The following MBNL1 variants were observed in gnomAD, a reference collection of about 807,000 sequenced individuals.
MBNL1 encodes the protein muscleblind like splicing regulator 1, also known as muscleblind-like protein 1.
MBNL1 carries 8 observed loss-of-function variants against 42.2 expected under a neutral mutation model. That is an observed-to-expected ratio of 0.19 (90% confidence interval 0.11 to 0.34). The LOEUF is 0.34. MBNL1 is among the 10% of genes least tolerant of loss of function. MBNL1 has a pLI of 1.00. For synonymous variants in MBNL1, 169 were observed against 173.9 expected (o/e 0.97, Z 0.22); for missense variants, 309 against 495.3 (o/e 0.62, Z 3.57).
chr3:152,376,589 G>C (rs1417031437), intron 2 of MBNL1, among the ~76,000 whole-genome samples: 2 of 152,156 alleles, frequency 1.3e-5, no homozygotes, highest in African/African-American at 2.4e-5. Flanking sequence ...TTGTTATGTA[G>C]ATGATCATAT....
At chr3:152,331,173 C>T (rs17303682) in intron 2 of MBNL1, among the ~76,000 whole-genome samples, 2,402 of 151,952 alleles carry the variant, frequency 0.016, 57 homozygotes, top group African/African-American at 0.055. Flanking sequence ...CTCACACAGA[C>T]ACTCCTTCCC....
chr3:152,260,052 A>G (rs1473023293), intron 2 of MBNL1, among the ~76,000 whole-genome samples: 6 of 152,184 alleles, frequency 3.9e-5, no homozygotes, highest in Non-Finnish European at 7.3e-5. Flanking sequence ...TTTTCTTACC[A>G]TGTAGCCTCA....
At chr3:152,397,164 C>T (rs1314480655) in intron 2 of MBNL1, among the ~76,000 whole-genome samples, 2 of 152,128 alleles carry the variant, frequency 1.3e-5, no homozygotes, top group Non-Finnish European at 2.9e-5. Flanking sequence ...AGAACATTGG[C>T]ATTCCATTCT....
chr3:152,447,134 GA>G (rs1455342106), intron 5 of MBNL1, among the ~76,000 whole-genome samples: 1 of 152,086 alleles, frequency 6.6e-6, no homozygotes, highest in Non-Finnish European at 1.5e-5. Flanking sequence ...AGTATTTAAG[GA>G]AAAAAACTTG....
intron 3 of MBNL1, among the ~76,000 whole-genome samples, chr3:152,430,828 T>C (rs931560835): frequency 1.2e-4 from 19 of 152,188 alleles, no homozygotes; most frequent in African/African-American, 4.1e-4. Context: ...AGGTTGCTGC[T>C]TTGTGCTGGG....
chr3:152,440,570 CAT>C (rs1042745037), intron 4 of MBNL1, among the ~76,000 whole-genome samples: 1 of 152,154 alleles, frequency 6.6e-6, no homozygotes, highest in Admixed American at 6.5e-5. Flanking sequence ...TGTCCCACAA[CAT>C]GTGGGAATTC....
At chr3:152,379,792 T>G (rs1172132548) in intron 2 of MBNL1, among the ~76,000 whole-genome samples, 1 of 152,122 alleles carries the variant, frequency 6.6e-6, no homozygotes, top group Non-Finnish European at 1.5e-5. Flanking sequence ...TAGTTAAAGA[T>G]TCAGATGAAC....
intron 9 of MBNL1, among the ~76,000 whole-genome samples, chr3:152,461,666 T>C (rs1350397733): frequency 6.6e-6 from 1 of 152,224 alleles, no homozygotes. Context: ...CACTAGATTA[T>C]GATTTCTTTC....
chr3:152,287,064 A>G (rs1232652177), intron 1 of MBNL1, among the ~76,000 whole-genome samples: 2 of 152,086 alleles, frequency 1.3e-5, no homozygotes, highest in African/African-American at 4.8e-5. Flanking sequence ...CTGAAAATAC[A>G]AAAAGTAGCC....
intron 2 of MBNL1, among the ~76,000 whole-genome samples, chr3:152,375,032 C>G (rs767272432): frequency 2.6e-5 from 4 of 151,980 alleles, no homozygotes; most frequent in Non-Finnish European, 4.4e-5. Context: ...TCGCGACAGA[C>G]TCTTGTTATG....
intron 2 of MBNL1, chr3:152,340,671 C>G (rs200875565): frequency 6.2e-7 from 1 of 1,613,938 alleles, no homozygotes; most frequent in African/African-American, 1.3e-5. Flanking sequence ...GAATCTTATT[C>G]GCATAATACC....
rs977099073 is a variant in MBNL1, at chr3:152,462,822, T to G, written c.*456T>G. 1 of 152,286 alleles carries G rather than the reference T, an allele frequency of 6.6e-6. No individual in the cohort carries two copies. 9.4% of individuals were successfully genotyped at this position (152,286 alleles called of 1,614,324 possible). ...TTTCAAGGTTTACAAATAACAAAGG[T>G]GCACCTTGTATTTAAAATTGCCATT... is the stretch of plus-strand genomic sequence containing the variant. On this transcript the variant is annotated 3_prime_UTR_variant, in exon 10 of 10. Transcript: ENST00000324210.
At chr3:152,422,222 A>G (rs1181230323) in intron 3 of MBNL1, among the ~76,000 whole-genome samples, 1 of 149,582 alleles carries the variant, frequency 6.7e-6, no homozygotes, top group East Asian at 2.0e-4. Context: ...CTCAAAATAA[A>G]GGGAAAATAA....
At chr3:152,454,119 C>T (rs1204759254) in intron 6 of MBNL1, among the ~76,000 whole-genome samples, 2 of 152,124 alleles carry the variant, frequency 1.3e-5, no homozygotes, top group Admixed American at 6.6e-5. Context: ...GTCTTTGACT[C>T]AGTAGTAGTA....
intron 2 of MBNL1, chr3:152,338,623 A>AC (rs1466088999): frequency 1.0e-6 from 1 of 985,212 alleles, no homozygotes; most frequent in Non-Finnish European, 1.2e-6. Flanking sequence ...TTTGACATAG[A>AC]CCTCAGGAGT....
chr3:152,422,647 ATTC>A (rs1364766099), intron 3 of MBNL1, among the ~76,000 whole-genome samples: 1 of 152,260 alleles, frequency 6.6e-6, no homozygotes, highest in Non-Finnish European at 1.5e-5. Flanking sequence ...CAGAATATAC[ATTC>A]TTCTTAGCAC....
intron 2 of MBNL1, among the ~76,000 whole-genome samples, chr3:152,388,411 T>C (rs1053758113): frequency 4.6e-5 from 7 of 152,226 alleles, no homozygotes; most frequent in African/African-American, 1.7e-4. Flanking sequence ...ATGAGAATAG[T>C]ATAATAAATG....
intron 2 of MBNL1, among the ~76,000 whole-genome samples, chr3:152,404,963 T>C (rs17370867): frequency 0.071 from 10,816 of 152,044 alleles, 507 homozygotes; most frequent in Middle Eastern, 0.16. Context: ...TTGTTGATAC[T>C]GTAAGACAGG....
intron 2 of MBNL1, among the ~76,000 whole-genome samples, chr3:152,350,919 C>G (rs1051083389): frequency 1.3e-5 from 2 of 152,086 alleles, no homozygotes; most frequent in African/African-American, 4.8e-5. Context: ...GTTTCGGTAA[C>G]CCCCGAAGTC....
Sources: gnomAD v4.1 joint callset for allele counts (sites outside exome capture counted in the v4.1 genomes callset) on GRCh38, gnomAD v4.1.1 for gene constraint, MANE v1.5 for transcripts, NCBI Gene and HGNC (gene_info 2026-07-23, HGNC 2026-07-21) for gene names.